The following EXOC6B variants were observed in gnomAD, a reference collection of about 807,000 sequenced individuals.
The protein encoded by EXOC6B is SEC15 homolog B.
In EXOC6B, 54 loss-of-function variants were observed where a neutral mutation model predicts 113.5. The ratio of observed to expected loss-of-function variants is 0.48; its 90% CI spans 0.38 to 0.60. The LOEUF is 0.60. Among genes scored for constraint, EXOC6B ranks in the 20% least tolerant of loss-of-function variants. EXOC6B has a pLI of 0.00. For missense variants in EXOC6B, 797 were observed against 977.5 expected (o/e 0.82, Z 2.46); for synonymous variants, 357 against 339.0 (o/e 1.05, Z -0.58).
At chr2:72,525,347 T>G (rs556908967) in intron 8 of EXOC6B, among the ~76,000 whole-genome samples, 1 of 152,218 alleles carries the variant, frequency 6.6e-6, no homozygotes, top group South Asian at 2.1e-4. Context: ...AAAGCTTTAA[T>G]TGATGACTAC....
chr2:72,688,261 T>G (rs1677227486), intron 6 of EXOC6B, among the ~76,000 whole-genome samples: 1 of 152,132 alleles, frequency 6.6e-6, no homozygotes, highest in South Asian at 2.1e-4. Flanking sequence ...AAGGAGAATC[T>G]GAAACAAGGA....
At chr2:72,455,798 G>A (rs1009516529) in intron 18 of EXOC6B, among the ~76,000 whole-genome samples, 1 of 151,840 alleles carries the variant, frequency 6.6e-6, no homozygotes, top group African/African-American at 2.4e-5. Context: ...ATATATACAT[G>A]GGTGTATATC....
At chr2:72,548,334 T>C (rs1402298558) in intron 8 of EXOC6B, among the ~76,000 whole-genome samples, 1 of 152,178 alleles carries the variant, frequency 6.6e-6, no homozygotes, top group African/African-American at 2.4e-5. Context: ...GTAGGATTTT[T>C]CAAATAATCC....
chr2:72,780,773 T>C (rs1321556801), intron 1 of EXOC6B, among the ~76,000 whole-genome samples: 1 of 152,118 alleles, frequency 6.6e-6, no homozygotes, highest in African/African-American at 2.4e-5. Flanking sequence ...TCAGAGTAAA[T>C]AAAGAATTCA....
chr2:72,204,472 C>T (rs568268593), intron 20 of EXOC6B, among the ~76,000 whole-genome samples: 13 of 151,772 alleles, frequency 8.6e-5, no homozygotes, highest in South Asian at 2.1e-4. Flanking sequence ...CCAAGATTAG[C>T]GTGAGCACAA....
intron 18 of EXOC6B, among the ~76,000 whole-genome samples, chr2:72,454,580 G>A (rs1345490972): frequency 6.6e-6 from 1 of 152,120 alleles, no homozygotes; most frequent in Non-Finnish European, 1.5e-5. Flanking sequence ...GTGGAATTTT[G>A]CAGTATGTTA....
intron 1 of EXOC6B, among the ~76,000 whole-genome samples, chr2:72,754,116 G>T (rs1323606896): frequency 6.6e-6 from 1 of 151,878 alleles, no homozygotes; most frequent in Non-Finnish European, 1.5e-5. Flanking sequence ...CAAACTCCTG[G>T]GCTCAAGCAA....
intron 6 of EXOC6B, among the ~76,000 whole-genome samples, chr2:72,698,941 G>C (rs1678091908): frequency 6.6e-6 from 1 of 152,164 alleles, no homozygotes; most frequent in Non-Finnish European, 1.5e-5. Context: ...ATATACTACT[G>C]ATTCTGACAT....
chr2:72,357,429 T>C (rs1452275184), intron 19 of EXOC6B, among the ~76,000 whole-genome samples: 2 of 152,136 alleles, frequency 1.3e-5, no homozygotes, highest in Admixed American at 6.5e-5. Context: ...TGGTGGCTCA[T>C]GCCTGTAATC....
intron 6 of EXOC6B, among the ~76,000 whole-genome samples, chr2:72,678,001 T>C (rs1676432398): frequency 6.6e-6 from 1 of 152,148 alleles, no homozygotes; most frequent in Non-Finnish European, 1.5e-5. Context: ...TAGGACTCTC[T>C]AGATTTAATT....
intron 6 of EXOC6B, among the ~76,000 whole-genome samples, chr2:72,690,238 A>G (rs1380313686): frequency 2.0e-5 from 3 of 152,228 alleles, no homozygotes; most frequent in Non-Finnish European, 4.4e-5. Flanking sequence ...GTTATAATTA[A>G]CAAATATCTC....
intron 6 of EXOC6B, among the ~76,000 whole-genome samples, chr2:72,576,559 T>C (rs1357361486): frequency 6.6e-6 from 1 of 152,004 alleles, no homozygotes; most frequent in Non-Finnish European, 1.5e-5. Flanking sequence ...CAAAGTATGG[T>C]CTCCTAAATT....
intron 18 of EXOC6B, among the ~76,000 whole-genome samples, chr2:72,445,866 T>C (rs1226762919): frequency 6.6e-6 from 1 of 152,118 alleles, no homozygotes; most frequent in Non-Finnish European, 1.5e-5. Flanking sequence ...AAGACACACA[T>C]GTGGCCAACA....
At chr2:72,192,658 T>C (rs1678920876) in intron 20 of EXOC6B, among the ~76,000 whole-genome samples, 1 of 152,154 alleles carries the variant, frequency 6.6e-6, no homozygotes, top group Admixed American at 6.5e-5. Flanking sequence ...AAGGTAGGCA[T>C]GCAGACAGAC....
intron 6 of EXOC6B, among the ~76,000 whole-genome samples, chr2:72,631,451 TATATATATATAGAGAGAGAGAG>T (rs1672433021): frequency 2.2e-5 from 1 of 46,004 alleles, no homozygotes; most frequent in African/African-American, 7.8e-5. Context: ...TATATATATA[TATATATATATAGAGAGAGAGAG>T]AGAGAGAGAG....
Position 72,405,444 on chromosome 2 carries a change from G to C in EXOC6B, c.1981-25574C>G, listed in dbSNP as rs568025949. On this transcript the variant is annotated intron_variant, in intron 18 of 21. Coordinates refer to ENST00000272427, the MANE Select transcript of EXOC6B (RefSeq NM_015189.3). ...AATGAAGGACAAAATGTTAAGGGCA[G>C]CCAGAGAGAAAGGTCAGGTTACCCA... 2.6e-4 allele frequency among the ~76,000 whole-genome samples: 39 copies of C among 152,332 alleles called. No homozygotes were observed. The East Asian group carries it at 6.4e-3, about 25-fold the overall frequency.
intron 18 of EXOC6B, among the ~76,000 whole-genome samples, chr2:72,404,244 A>G (rs1482588015): frequency 6.6e-6 from 1 of 152,226 alleles, no homozygotes; most frequent in Admixed American, 6.5e-5. Flanking sequence ...ACCACAGCTC[A>G]AGGAGGCCTG....
intron 1 of EXOC6B, among the ~76,000 whole-genome samples, chr2:72,801,366 A>T (rs1685262400): frequency 6.6e-6 from 1 of 152,252 alleles, no homozygotes; most frequent in Admixed American, 6.5e-5. Flanking sequence ...TTTATCAATA[A>T]GTCAAAAAAT....
rs1304550780 is a variant in EXOC6B at position 72,379,722 on chromosome 2, G to C, written c.2122+7C>G. ...ATAAACAAGCACAGGGATGGTCACTGTCTTACGTTCACATTCTCTGACGTC... is the reference window on the plus strand; with the variant it reads ...ATAAACAAGCACAGGGATGGTCACTCTCTTACGTTCACATTCTCTGACGTC... On this transcript the variant is annotated splice_region_variant and intron_variant, in intron 19 of 21. Coordinates refer to ENST00000272427, the MANE Select transcript of EXOC6B (RefSeq NM_015189.3). 6.2e-7 allele frequency: 1 copy of C among 1,607,716 alleles called. No homozygotes were observed.
Sources: allele counts gnomAD v4.1 joint callset (sites outside exome capture counted in the v4.1 genomes callset), GRCh38; gene constraint gnomAD v4.1.1; transcripts MANE v1.5; gene names NCBI Gene and HGNC (gene_info 2026-07-23, HGNC 2026-07-21).